Variants in LUZP2 observed in about 807,000 individuals in gnomAD.
LUZP2 encodes the protein leucine zipper protein 2.
LUZP2 carries 52 observed loss-of-function variants against 51.6 expected under a neutral mutation model. The ratio of observed to expected loss-of-function variants is 1.01; its 90% CI spans 0.81 to 1.27. The LOEUF (loss-of-function observed/expected upper bound fraction) is 1.27, where lower values mean the gene tolerates loss of function less well. Among genes scored for constraint, LUZP2 ranks in the 50% most tolerant of loss-of-function variants. The pLI, the probability that LUZP2 is intolerant of heterozygous loss-of-function variation, is 0.00. For missense variants in LUZP2, 436 were observed against 395.4 expected (o/e 1.10, Z -0.87); for synonymous variants, 154 against 137.3 (o/e 1.12, Z -0.85).
intron 2 of LUZP2, among the ~76,000 whole-genome samples, chr11:24,731,160 A>G (rs1161744639): frequency 1.3e-5 from 2 of 151,776 alleles, no homozygotes; most frequent in African/African-American, 4.8e-5. Flanking sequence ...AATACTTATC[A>G]TACTACATTA....
At chr11:24,634,614 T>G (rs1290603358) in intron 1 of LUZP2, among the ~76,000 whole-genome samples, 1 of 143,392 alleles carries the variant, frequency 7.0e-6, no homozygotes, top group Non-Finnish European at 1.5e-5. Flanking sequence ...AAGTTAATTT[T>G]TTCTGGATTT....
At chr11:24,984,262 C>A (rs985266734) in intron 9 of LUZP2, among the ~76,000 whole-genome samples, 1 of 151,300 alleles carries the variant, frequency 6.6e-6, no homozygotes, top group Non-Finnish European at 1.5e-5. Context: ...TTACTGCTTA[C>A]TTCTGAGATT....
chr11:24,709,888 A>C (rs893042551), intron 1 of LUZP2, among the ~76,000 whole-genome samples: 5 of 152,150 alleles, frequency 3.3e-5, no homozygotes, highest in African/African-American at 1.2e-4. Flanking sequence ...ATGGATGAAA[A>C]AGTTAACTTT....
intron 1 of LUZP2, among the ~76,000 whole-genome samples, chr11:24,532,268 AAT>A (rs1055649224): frequency 6.7e-5 from 10 of 148,946 alleles, no homozygotes; most frequent in African/African-American, 2.3e-4. Context: ...AATTTAAAAA[AAT>A]AAGAATAATT....
intron 5 of LUZP2, among the ~76,000 whole-genome samples, chr11:24,877,181 A>G (rs1433330295): frequency 6.6e-6 from 1 of 152,178 alleles, no homozygotes; most frequent in South Asian, 2.1e-4. Context: ...TATCTCTTTC[A>G]TAAGATTGTT....
chr11:24,740,673 C>T (rs1859103613), intron 4 of LUZP2, among the ~76,000 whole-genome samples: 2 of 152,208 alleles, frequency 1.3e-5, no homozygotes, highest in Admixed American at 1.3e-4. Context: ...AATTAATGTA[C>T]ATAATCTCTC....
chr11:24,603,553 CA>C (rs1174819814), intron 1 of LUZP2, among the ~76,000 whole-genome samples: 3 of 150,460 alleles, frequency 2.0e-5, no homozygotes, highest in South Asian at 2.1e-4. Flanking sequence ...CATACTTTTC[CA>C]AAAAAATATT....
intron 7 of LUZP2, among the ~76,000 whole-genome samples, chr11:24,922,225 A>T (rs10834548): frequency 0.48 from 73,425 of 151,798 alleles, 18,051 homozygotes; most frequent in East Asian, 0.77. Context: ...ATGCACTCAT[A>T]CCTGCTGAAA....
chr11:24,950,051 T>C (rs1855034880), intron 7 of LUZP2, among the ~76,000 whole-genome samples: 1 of 149,224 alleles, frequency 6.7e-6, no homozygotes, highest in South Asian at 2.1e-4. Context: ...ATACCCATGA[T>C]GGATGGGTAT....
intron 1 of LUZP2, among the ~76,000 whole-genome samples, chr11:24,510,748 C>A (rs1029906176): frequency 1.3e-5 from 2 of 151,982 alleles, no homozygotes; most frequent in African/African-American, 2.4e-5. Flanking sequence ...CTACTTCAAG[C>A]TAAAAATTCA....
At chr11:24,990,682 G>C (rs2133925435) in intron 9 of LUZP2, among the ~76,000 whole-genome samples, 1 of 152,086 alleles carries the variant, frequency 6.6e-6, no homozygotes, top group Non-Finnish European at 1.5e-5. Context: ...GCACATATTT[G>C]GTGATCTTAT....
intron 7 of LUZP2, among the ~76,000 whole-genome samples, chr11:24,923,588 T>G (rs1015457549): frequency 6.6e-6 from 1 of 151,970 alleles, no homozygotes; most frequent in Admixed American, 6.5e-5. Context: ...TCCCAACTAC[T>G]TGGGAGGCTG....
chr11:24,646,447 G>A (rs1855464692), intron 1 of LUZP2: 1 of 209,620 alleles, frequency 4.8e-6, no homozygotes, highest in Non-Finnish European at 8.3e-6. Flanking sequence ...TGGTTTAGTT[G>A]CTTAGTGACA....
At chr11:25,063,668 T>C (rs2134044048) in intron 10 of LUZP2, among the ~76,000 whole-genome samples, 1 of 151,756 alleles carries the variant, frequency 6.6e-6, no homozygotes, top group African/African-American at 2.4e-5. Flanking sequence ...AGTAAGTTAA[T>C]GTAGAACCAC....
intron 9 of LUZP2, among the ~76,000 whole-genome samples, chr11:25,022,697 C>G (rs1468600200): frequency 6.6e-6 from 1 of 151,944 alleles, no homozygotes; most frequent in Non-Finnish European, 1.5e-5. Flanking sequence ...GTTCCTAAAT[C>G]AATAGTACTG....
Position 24,895,880 on chromosome 11 carries a change from G to A in LUZP2, c.397-10111G>A, listed in dbSNP as rs12574840. 7.7e-3 allele frequency among the ~76,000 whole-genome samples: 1,168 copies of A among 152,298 alleles called. 16 individuals are homozygous for A. The highest frequency in any genetic ancestry group is 0.055 in the East Asian group (285 of 5,182). On this transcript the variant is annotated intron_variant, in intron 5 of 11. Transcript: ENST00000336930. ...AGTAATGGGATTGCTGAGTTGAACG[G>A]TAGTTCCCTTTTAAGTTCTTTGAGA...
intron 9 of LUZP2, among the ~76,000 whole-genome samples, chr11:25,033,903 C>A (rs1461028581): frequency 6.6e-6 from 1 of 152,026 alleles, no homozygotes; most frequent in Non-Finnish European, 1.5e-5. Context: ...GTACCTGTGT[C>A]TTTTTGGTAG....
At chr11:24,877,011 G>A (rs889024329) in intron 5 of LUZP2, among the ~76,000 whole-genome samples, 2 of 152,162 alleles carry the variant, frequency 1.3e-5, no homozygotes, top group African/African-American at 2.4e-5. Context: ...TTCCTTTTTA[G>A]TGTAACACTC....
chr11:24,869,337 T>G (rs988129166), intron 5 of LUZP2, among the ~76,000 whole-genome samples: 3 of 152,182 alleles, frequency 2.0e-5, no homozygotes, highest in Admixed American at 2.0e-4. Context: ...ATTGAAGGTT[T>G]GTGAAAACCT....
Sources: allele counts gnomAD v4.1 joint callset (sites outside exome capture counted in the v4.1 genomes callset), GRCh38; gene constraint gnomAD v4.1.1; transcripts MANE v1.5; gene names NCBI Gene and HGNC (gene_info 2026-07-23, HGNC 2026-07-21).